Variants in ABCB5 observed in about 807,000 individuals in gnomAD.
ABCB5 encodes ATP binding cassette subfamily B member 5, also known as ATP-binding cassette sub-family B member 5.
Under a neutral mutation model 144.2 loss-of-function variants are expected in ABCB5, and 155 were observed. The observed-to-expected ratio is 1.08, with a 90% CI of 0.94 to 1.23. The LOEUF (loss-of-function observed/expected upper bound fraction) is 1.23. Ranked by LOEUF, ABCB5 falls within the 50% of genes most tolerant of loss-of-function variation. The probability of loss-of-function intolerance (pLI) is 0.00; values close to 1 mark genes in which losing one functional copy is unlikely to be tolerated. For synonymous variants in ABCB5, 610 were observed against 528.6 expected (o/e 1.15, Z -2.11); for missense variants, 1,830 against 1,520.8 (o/e 1.20, Z -3.38).
intron 14 of ABCB5, among the ~76,000 whole-genome samples, chr7:20,678,978 G>A (rs567816307): frequency 1.1e-4 from 16 of 152,210 alleles, no homozygotes; most frequent in South Asian, 4.2e-4. Context: ...CTAATCCCAG[G>A]TGTTACATAT....
rs780857689 is a variant in ABCB5, at chr7:20,728,361, A to T, written c.2773A>T (p.Ser925Cys). The part of the protein sequence containing the change: ...AQIIGSCYAF[S>C]HAFIYFAYAA... Reference sequence around the variant, plus strand: ...GATTATTGGAAGCTGTTATGCATTCAGCCATGCCTTTATATATTTTGCCTA... The same window carrying T: ...GATTATTGGAAGCTGTTATGCATTCTGCCATGCCTTTATATATTTTGCCTA... The change falls in exon 23 of 28, where the codon AGC becomes TGC. Residue 925 changes from serine to cysteine, a missense_variant. Coordinates refer to ENST00000404938, the MANE Select transcript of ABCB5 (RefSeq NM_001163941.2). 13 of 1,614,078 alleles carry T rather than the reference A, an allele frequency of 8.1e-6. No homozygotes were observed. The South Asian group carries it at 1.3e-4, about 16-fold the overall frequency.
Position 20,688,939 on chromosome 7 carries a change from G to A in ABCB5, c.2010+3103G>A, listed in dbSNP as rs149369623. Reference sequence around the variant, plus strand: ...CAACGAGAACACTTGGACACAGGAAGGGGAACATCACACACCAGGGTCTGT... The same window carrying A: ...CAACGAGAACACTTGGACACAGGAAAGGGAACATCACACACCAGGGTCTGT... On this transcript the variant is annotated intron_variant, in intron 16 of 27. Transcript: ENST00000404938. Among the ~76,000 whole-genome samples, 460 of 152,074 alleles carry A rather than the reference G, an allele frequency of 3.0e-3. 3 individuals are homozygous for A. The highest frequency in any genetic ancestry group is 0.011 in the African/African-American group (443 of 41,496).
chr7:20,688,053 C>T (rs1280080741), intron 16 of ABCB5, among the ~76,000 whole-genome samples: 2 of 151,816 alleles, frequency 1.3e-5, no homozygotes, highest in African/African-American at 2.4e-5. Flanking sequence ...ATTAGCTGGG[C>T]GTGATGGCAC....
chr7:20,753,607 G>C (rs1782998331), intron 27 of ABCB5, 101 bp downstream of exon 27: 3 of 1,363,330 alleles, frequency 2.2e-6, no homozygotes, highest in Non-Finnish European at 3.0e-6. Context: ...GGCCTGGAAA[G>C]AATTGTAGTT....
At chr7:20,727,542 C>G (rs1175635621) in intron 22 of ABCB5, among the ~76,000 whole-genome samples, 2 of 152,134 alleles carry the variant, frequency 1.3e-5, no homozygotes, top group Non-Finnish European at 2.9e-5. Flanking sequence ...AGAGACCAGC[C>G]TGGACAACAT....
At chr7:20,726,957 G>C in intron 21 of ABCB5, 83 bp from the exon 22 acceptor site, 1 of 884,250 alleles carries the variant, frequency 1.1e-6, no homozygotes, top group South Asian at 2.1e-5. Context: ...TATGTCCCCA[G>C]TGTGAGTGAC....
chr7:20,691,582 T>TTTTA (rs71020667), intron 16 of ABCB5, among the ~76,000 whole-genome samples: 1,902 of 146,878 alleles, frequency 0.013, 30 homozygotes, highest in African/African-American at 0.039. Flanking sequence ...TTAAATTCAT[T>TTTTA]TTTATTTATT....
rs1554282933 is a variant in ABCB5 at position 20,669,739 on chromosome 7, A to AAAG, written c.1707+11065_1707+11066insGAA. ...AATGATCAATAAAAAAAAAAAAAAA[A>AAAG]AAAAGAAAATAACATTCGTAACTTT... On this transcript the variant is annotated intron_variant, in intron 14 of 27. Coordinates refer to ENST00000404938, the MANE Select transcript of ABCB5 (RefSeq NM_001163941.2). Among the ~76,000 whole-genome samples, 1,208 of 132,566 alleles carry AAAG rather than the reference A, an allele frequency of 9.1e-3. 2 individuals are homozygous for AAAG. Among genetic ancestry groups the AAAG allele is most frequent in the African/African-American group, 0.021 (740 of 35,496 alleles). 87.0% of individuals were successfully genotyped at this position (132,566 alleles called of 152,430 possible). A position where few individuals can be genotyped will look rare whatever the true frequency, so the allele number is the denominator to read the frequency against.
intron 23 of ABCB5, among the ~76,000 whole-genome samples, chr7:20,728,901 T>C (rs1016210727): frequency 6.6e-6 from 1 of 152,184 alleles, no homozygotes; most frequent in African/African-American, 2.4e-5. Flanking sequence ...TTTTTTTAAG[T>C]TGGAATTTTT....
intron 5 of ABCB5, among the ~76,000 whole-genome samples, chr7:20,636,325 A>G (rs1784154266): frequency 6.6e-6 from 1 of 152,128 alleles, no homozygotes; most frequent in Non-Finnish European, 1.5e-5. Context: ...TTTTTTTAAT[A>G]GGAGCATCCA....
At chr7:20,717,883 C>CTTTTTTTTTTTTTTTT (rs574592723) in intron 20 of ABCB5, among the ~76,000 whole-genome samples, 1 of 43,272 alleles carries the variant, frequency 2.3e-5, no homozygotes, top group African/African-American at 7.3e-5. Flanking sequence ...TTGTAACATT[C>CTTTTTTTTTTTTTTTT]TTTTTTTTTT....
intron 24 of ABCB5, among the ~76,000 whole-genome samples, chr7:20,739,514 A>G (rs886983848): frequency 3.4e-5 from 5 of 146,746 alleles, no homozygotes; most frequent in Admixed American, 2.7e-4. Context: ...TTATGGCTGC[A>G]AACGGGGAAA....
intron 23 of ABCB5, among the ~76,000 whole-genome samples, chr7:20,735,576 T>C (rs1782356537): frequency 6.6e-6 from 1 of 152,102 alleles, no homozygotes; most frequent in Admixed American, 6.5e-5. Flanking sequence ...CCAGAGATTA[T>C]CCGGAAGAGA....
intron 20 of ABCB5, among the ~76,000 whole-genome samples, chr7:20,709,350 C>T (rs1786934301): frequency 6.7e-6 from 1 of 149,816 alleles, no homozygotes; most frequent in African/African-American, 2.5e-5. Flanking sequence ...TTTATATTTT[C>T]TAGTTTTCTG....
chr7:20,626,546 T>G lies in ABCB5; in HGVS notation c.54-11T>G. The G allele has an allele frequency of 6.2e-7, 1 of 1,601,878 alleles. No homozygotes were observed. The highest frequency in any genetic ancestry group is 8.5e-7 in the Non-Finnish European group (1 of 1,173,976). On this transcript the variant is annotated splice_polypyrimidine_tract_variant and intron_variant, in intron 2 of 27. Transcript: ENST00000404938. ...ATTGTAACTGCTGCATTTTGAACTT[T>G]TATTTTCCAGAACTGCAGAAGAACA...
At chr7:20,735,226 T>G (rs1782346686) in intron 23 of ABCB5, among the ~76,000 whole-genome samples, 1 of 152,062 alleles carries the variant, frequency 6.6e-6, no homozygotes, top group Admixed American at 6.6e-5. Flanking sequence ...AGTTTATGGG[T>G]GTGTTTCCTA....
At chr7:20,674,486 A>C (rs1255900584) in intron 14 of ABCB5, among the ~76,000 whole-genome samples, 1 of 151,772 alleles carries the variant, frequency 6.6e-6, no homozygotes, top group Admixed American at 6.6e-5. Flanking sequence ...TGTCATCTTT[A>C]TGTTTGTTCC....
chr7:20,722,408 C>T (rs1271768771), intron 20 of ABCB5, among the ~76,000 whole-genome samples: 4 of 152,178 alleles, frequency 2.6e-5, no homozygotes, highest in Admixed American at 2.6e-4. Context: ...CTCAGAGCCA[C>T]ATAAAAGTCT....
At chr7:20,631,087 A>C (rs183707798) in intron 4 of ABCB5, among the ~76,000 whole-genome samples, 209 of 152,306 alleles carry the variant, frequency 1.4e-3, no homozygotes, top group Non-Finnish European at 2.2e-4. Flanking sequence ...AATAATAGCT[A>C]TCATTAGTTG....
Sources: gnomAD v4.1 joint callset for allele counts (sites outside exome capture counted in the v4.1 genomes callset) on GRCh38, gnomAD v4.1.1 for gene constraint, MANE v1.5 for transcripts, NCBI Gene and HGNC (gene_info 2026-07-23, HGNC 2026-07-21) for gene names.